PRKCH: variants seen among roughly 807,000 people sequenced by gnomAD.
PRKCH encodes the protein protein kinase C eta type.
In PRKCH, 28 loss-of-function variants were observed where a neutral mutation model predicts 82.5. That is an observed-to-expected ratio of 0.34 (90% CI 0.25 to 0.47). The LOEUF (loss-of-function observed/expected upper bound fraction) is 0.47. PRKCH is among the 20% of genes least tolerant of loss of function. The probability of loss-of-function intolerance (pLI) is 1.00; values close to 1 mark genes in which losing one functional copy is unlikely to be tolerated. For synonymous variants in PRKCH, 322 were observed against 327.4 expected, an observed-to-expected ratio of 0.98 and a Z score of 0.18; for missense variants, 705 against 881.8, an observed-to-expected ratio of 0.80 and a Z score of 2.54.
intron 1 of PRKCH, among the ~76,000 whole-genome samples, chr14:61,272,045 G>A (rs1373483922): frequency 6.6e-6 from 1 of 152,006 alleles, no homozygotes; most frequent in African/African-American, 2.4e-5. Flanking sequence ...TTAACACGGT[G>A]AAACCCCGTC....
rs562698147 is a variant in PRKCH at position 61,523,998 on chromosome 14, A to C, written c.1434-5077A>C. Among the ~76,000 whole-genome samples the C allele has an allele frequency of 2.0e-5, 3 of 152,270 alleles. No homozygotes were observed. In the South Asian group the frequency reaches 6.2e-4, roughly 32 times the overall value. ...GTATGGGAGTTGTGTCATTCTCCCT[A>C]CTTTTGTCTGTTTTGAAATTTCCCA... On this transcript the variant is annotated intron_variant, in intron 10 of 13. Coordinates refer to ENST00000332981, the MANE Select transcript of PRKCH (RefSeq NM_006255.5).
chr14:61,201,831 A>G (rs960863251), intron 1 of PRKCH, among the ~76,000 whole-genome samples: 35 of 152,308 alleles, frequency 2.3e-4, no homozygotes, highest in African/African-American at 8.2e-4. Context: ...AACAGTATAA[A>G]CATGTTATTT....
chr14:61,342,135 C>T (rs903882688), intron 1 of PRKCH, among the ~76,000 whole-genome samples: 1 of 152,028 alleles, frequency 6.6e-6, no homozygotes, highest in Non-Finnish European at 1.5e-5. Context: ...AGGGCAGAGC[C>T]TTTCCTACGT....
intron 1 of PRKCH, among the ~76,000 whole-genome samples, chr14:61,360,496 C>T (rs1275510308): frequency 6.6e-6 from 1 of 151,332 alleles, no homozygotes; most frequent in Non-Finnish European, 1.5e-5. Flanking sequence ...CAGAGTGAGA[C>T]TCCATCTCAA....
chr14:61,534,014 C>T (rs1027596867), intron 12 of PRKCH, among the ~76,000 whole-genome samples: 1 of 152,134 alleles, frequency 6.6e-6, no homozygotes. Flanking sequence ...CTTCCAACCC[C>T]CTCGTTTTAT....
intron 4 of PRKCH, among the ~76,000 whole-genome samples, chr14:61,446,163 G>A (rs1475782901): frequency 1.4e-5 from 2 of 138,694 alleles, no homozygotes; most frequent in East Asian, 4.3e-4. Context: ...TTTTTGAAAT[G>A]TTATGATTTC....
intron 1 of PRKCH, among the ~76,000 whole-genome samples, chr14:61,367,345 CGT>C (rs1349074944): frequency 2.1e-5 from 3 of 142,742 alleles, no homozygotes; most frequent in East Asian, 2.0e-4. Context: ...TCAGGTATTG[CGT>C]GTGTGTGTGT....
chr14:61,350,696 T>C (rs2046061736), intron 1 of PRKCH, among the ~76,000 whole-genome samples: 1 of 152,234 alleles, frequency 6.6e-6, no homozygotes, highest in African/African-American at 2.4e-5. Context: ...TACAACGCTT[T>C]ACCCAGCATC....
intron 1 of PRKCH, among the ~76,000 whole-genome samples, chr14:61,267,952 C>T (rs183942167): frequency 3.3e-5 from 5 of 152,108 alleles, no homozygotes; most frequent in East Asian, 1.9e-4. Context: ...ATTTTTCTTA[C>T]GTATCATGCT....
At chr14:61,210,107 AACAAATATAT>A (rs1416824130) in intron 1 of PRKCH, among the ~76,000 whole-genome samples, 4 of 107,764 alleles carry the variant, frequency 3.7e-5, no homozygotes, top group African/African-American at 7.5e-5. Flanking sequence ...CAAACAAACA[AACAAATATAT>A]ATATATATAT....
intron 1 of PRKCH, among the ~76,000 whole-genome samples, chr14:61,210,161 T>TATATATATATATATAA (rs1555369165): frequency 4.2e-5 from 4 of 95,210 alleles, no homozygotes; most frequent in Non-Finnish European, 6.6e-5. Context: ...TATATATATA[T>TATATATATATATATAA]AAATTAGCTT....
chr14:61,408,289 ATC>A (rs1015940192), intron 2 of PRKCH, among the ~76,000 whole-genome samples: 2 of 151,966 alleles, frequency 1.3e-5, no homozygotes, highest in African/African-American at 4.8e-5. Flanking sequence ...GGAGAGAGAA[ATC>A]TCTTCATTTT....
At chr14:61,199,744 A>G (rs1328387499) in intron 1 of PRKCH, among the ~76,000 whole-genome samples, 1 of 152,182 alleles carries the variant, frequency 6.6e-6, no homozygotes, top group East Asian at 1.9e-4. Context: ...CTAGTTCCCC[A>G]TGGAGCGCTT....
At chr14:61,287,985 G>T (rs546757470) in intron 1 of PRKCH, among the ~76,000 whole-genome samples, 1 of 152,082 alleles carries the variant, frequency 6.6e-6, no homozygotes, top group African/African-American at 2.4e-5. Context: ...AATTTCTTAC[G>T]TATCAGGTAA....
intron 1 of PRKCH, among the ~76,000 whole-genome samples, chr14:61,312,730 A>G (rs1343930718): frequency 2.6e-5 from 4 of 152,000 alleles, no homozygotes; most frequent in Non-Finnish European, 5.9e-5. Flanking sequence ...GAGATTATTC[A>G]CCATCACAAG....
At chr14:61,336,466 C>T (rs1403938140) in intron 1 of PRKCH, among the ~76,000 whole-genome samples, 1 of 152,190 alleles carries the variant, frequency 6.6e-6, no homozygotes, top group South Asian at 2.1e-4. Context: ...AAAGTTGGTT[C>T]ATGGAAACCT....
rs1024622337 is a variant in PRKCH, at chr14:61,280,694, G to A, written c.-19+93026G>A. On this transcript the variant is annotated intron_variant, in intron 1 of 3. Transcript: ENST00000555185. This position sits in a 1 kb window ranked among gnomAD's most constrained non-coding sequence, Gnocchi z 5.0. ...GCGATGGGCAGGCCGGCCGCGCTGC[G>A]CTGGTAGGGGGCGCACTCGTTGACA... 6.3e-7 allele frequency: 1 copy of A among 1,578,068 alleles called. No individual in the cohort carries two copies.
At chr14:61,263,943 G>C (rs2045073779) in intron 1 of PRKCH, among the ~76,000 whole-genome samples, 1 of 150,988 alleles carries the variant, frequency 6.6e-6, no homozygotes, top group African/African-American at 2.4e-5. Flanking sequence ...AAGTGTCTAA[G>C]AACAACATCC....
At chr14:61,349,049 A>C (rs1429880804) in intron 1 of PRKCH, among the ~76,000 whole-genome samples, 1 of 152,280 alleles carries the variant, frequency 6.6e-6, no homozygotes, top group Non-Finnish European at 1.5e-5. Context: ...GATGATGGCT[A>C]TCCGTTTATG....
Sources: allele counts gnomAD v4.1 joint callset (sites outside exome capture counted in the v4.1 genomes callset), GRCh38; gene constraint gnomAD v4.1.1; non-coding constraint Gnocchi (gnomAD v3.1); transcripts MANE v1.5; gene names NCBI Gene and HGNC (gene_info 2026-07-23, HGNC 2026-07-21).